FHIT: variants seen among roughly 807,000 people sequenced by gnomAD.
The protein encoded by FHIT is bis(5'-adenosyl)-triphosphatase.
Under a neutral mutation model 17.9 loss-of-function variants are expected in FHIT, and 19 were observed. That is an observed-to-expected ratio of 1.06 (90% CI 0.74 to 1.56). The LOEUF (loss-of-function observed/expected upper bound fraction) is 1.56, where lower values mean the gene tolerates loss of function less well. FHIT is among the 40% of genes most tolerant of loss of function. The pLI is 0.00. For synonymous variants in FHIT, 81 were observed against 69.7 expected (o/e 1.16, Z -0.81); for missense variants, 248 against 189.2 (o/e 1.31, Z -1.82).
chr3:60,056,561 C>T (rs1029164931), intron 5 of FHIT, among the ~76,000 whole-genome samples: 1 of 152,154 alleles, frequency 6.6e-6, no homozygotes, highest in Non-Finnish European at 1.5e-5. Flanking sequence ...AGTGCATTAC[C>T]CGGGAGGGTG....
chr3:60,709,230 T>C (rs2041453272), intron 4 of FHIT, among the ~76,000 whole-genome samples: 1 of 152,228 alleles, frequency 6.6e-6, no homozygotes, highest in Admixed American at 6.5e-5. Context: ...TATACATATT[T>C]TCCCGAAAAA....
At chr3:60,765,578 A>G (rs1321251779) in intron 4 of FHIT, 1 of 152,200 alleles carries the variant, frequency 6.6e-6, no homozygotes, top group Non-Finnish European at 1.5e-5. Flanking sequence ...TCACAGAGAG[A>G]AATGTAATCA....
chr3:60,768,255 G>A (rs546740240), intron 4 of FHIT, among the ~76,000 whole-genome samples: 6 of 152,154 alleles, frequency 3.9e-5, no homozygotes, highest in African/African-American at 1.4e-4. Context: ...CATGAATGAG[G>A]CATTAGGAAG....
intron 4 of FHIT, among the ~76,000 whole-genome samples, chr3:60,704,762 G>A (rs9866844): frequency 9.9e-5 from 15 of 152,000 alleles, no homozygotes; most frequent in South Asian, 4.2e-4. Context: ...CTGGTCAGTC[G>A]TCTGATTAAT....
At chr3:60,165,668 G>GA (rs1415549282) in intron 5 of FHIT, among the ~76,000 whole-genome samples, 1 of 152,116 alleles carries the variant, frequency 6.6e-6, no homozygotes, top group Non-Finnish European at 1.5e-5. Context: ...TAAGCAAAGG[G>GA]AAAAAGTACA....
intron 5 of FHIT, among the ~76,000 whole-genome samples, chr3:60,295,330 G>A (rs1310383974): frequency 2.6e-5 from 4 of 152,080 alleles, no homozygotes; most frequent in Non-Finnish European, 4.4e-5. Flanking sequence ...TTTGGCTCAC[G>A]GTTCTGCAGG....
chr3:59,794,212 A>T (rs542044874), intron 8 of FHIT, among the ~76,000 whole-genome samples: 3 of 152,316 alleles, frequency 2.0e-5, no homozygotes, highest in Admixed American at 2.0e-4. Context: ...TCAGAACTTG[A>T]CTTAAACGAA....
intron 8 of FHIT, among the ~76,000 whole-genome samples, chr3:59,878,633 G>A (rs1278249479): frequency 6.6e-6 from 1 of 152,164 alleles, no homozygotes; most frequent in East Asian, 1.9e-4. Flanking sequence ...ACATTTCACA[G>A]CATGAGGAAC....
chr3:60,440,902 C>T (rs1350125968), intron 5 of FHIT, among the ~76,000 whole-genome samples: 2 of 152,046 alleles, frequency 1.3e-5, no homozygotes, highest in African/African-American at 4.8e-5. Context: ...ATTTAAGATG[C>T]TTTGGGTTTT....
intron 3 of FHIT, among the ~76,000 whole-genome samples, chr3:60,986,611 G>A (rs932903923): frequency 9.2e-5 from 14 of 151,990 alleles, no homozygotes; most frequent in Admixed American, 3.9e-4. Flanking sequence ...GACAACTATC[G>A]CCATTTTGAT....
intron 3 of FHIT, among the ~76,000 whole-genome samples, chr3:60,957,658 T>G (rs1373963865): frequency 6.6e-6 from 1 of 152,202 alleles, no homozygotes; most frequent in Non-Finnish European, 1.5e-5. Flanking sequence ...GTCAATTTCT[T>G]CACCATACAA....
chr3:60,053,713 A>C (rs1266405142), intron 5 of FHIT, among the ~76,000 whole-genome samples: 1 of 151,962 alleles, frequency 6.6e-6, no homozygotes. Flanking sequence ...GTCATATCTG[A>C]GTCATACCTA....
At chr3:60,221,248 CAG>C (rs1430971398) in intron 5 of FHIT, among the ~76,000 whole-genome samples, 1 of 152,132 alleles carries the variant, frequency 6.6e-6, no homozygotes, top group African/African-American at 2.4e-5. Context: ...TTATAATCAA[CAG>C]ATAGTTCTGT....
intron 3 of FHIT, among the ~76,000 whole-genome samples, chr3:60,910,569 GC>G (rs1372855621): frequency 6.6e-6 from 1 of 151,926 alleles, no homozygotes; most frequent in East Asian, 1.9e-4. Flanking sequence ...CCACCACCAC[GC>G]CCGGCTAATT....
At chr3:60,364,184 G>A (rs990308469) in intron 5 of FHIT, among the ~76,000 whole-genome samples, 2 of 152,164 alleles carry the variant, frequency 1.3e-5, no homozygotes, top group Non-Finnish European at 2.9e-5. Context: ...CTTTGGTCTA[G>A]GAATAACAAA....
chr3:60,318,844 T>C (rs1166082862), intron 5 of FHIT, among the ~76,000 whole-genome samples: 1 of 152,218 alleles, frequency 6.6e-6, no homozygotes, highest in Non-Finnish European at 1.5e-5. Flanking sequence ...TAAAGTCAAG[T>C]TGTTGGCAGG....
At chr3:60,216,674 T>C (rs1247927213) in intron 5 of FHIT, among the ~76,000 whole-genome samples, 1 of 152,202 alleles carries the variant, frequency 6.6e-6, no homozygotes, top group East Asian at 1.9e-4. Context: ...ACAAGGCTGG[T>C]TGGATAGATA....
At chr3:60,888,719 T>C (rs782658737) in intron 3 of FHIT, among the ~76,000 whole-genome samples, 5 of 152,228 alleles carry the variant, frequency 3.3e-5, no homozygotes, top group Non-Finnish European at 5.9e-5. Flanking sequence ...ATAATGTCCA[T>C]ATAAGAACAA....
At chr3:59,784,415 T>C (rs1702743631) in intron 8 of FHIT, among the ~76,000 whole-genome samples, 1 of 152,296 alleles carries the variant, frequency 6.6e-6, no homozygotes, top group African/African-American at 2.4e-5. Context: ...TTCCCTGGCT[T>C]TCCATTCTTT....
Sources: gnomAD v4.1 joint callset for allele counts (sites outside exome capture counted in the v4.1 genomes callset) on GRCh38, gnomAD v4.1.1 for gene constraint, MANE v1.5 for transcripts, NCBI Gene and HGNC (gene_info 2026-07-23, HGNC 2026-07-21) for gene names.